The following RLBP1 variants were observed in gnomAD, a reference collection of about 807,000 sequenced individuals.
RLBP1 encodes the protein retinaldehyde-binding protein 1.
Under a neutral mutation model 36.2 loss-of-function variants are expected in RLBP1, and 26 were observed. That is an observed-to-expected ratio of 0.72 (90% CI 0.53 to 1.00). The LOEUF is 1.00. Ranked by LOEUF, RLBP1 falls within the 50% of genes least tolerant of loss-of-function variation. RLBP1 has a pLI of 0.00. For missense variants in RLBP1, 410 were observed against 402.4 expected (o/e 1.02, Z -0.16); for synonymous variants, 155 against 156.2 (o/e 0.99, Z 0.06).
chr15:89,211,654 A>T lies in RLBP1; in HGVS notation c.684+89T>A. 7.1e-7 allele frequency: 1 copy of T among 1,410,932 alleles called. No homozygotes were observed. The highest frequency in any genetic ancestry group is 9.9e-7 in the Non-Finnish European group (1 of 1,009,684). 87.4% of individuals were successfully genotyped at this position (1,410,932 alleles called of 1,614,324 possible). A position where few individuals can be genotyped will look rare whatever the true frequency, so the allele number is the denominator to read the frequency against. On this transcript the variant is annotated intron_variant, in intron 7 of 8. Coordinates refer to ENST00000268125, the MANE Select transcript of RLBP1 (RefSeq NM_000326.5). This position sits in a 1 kb window ranked among gnomAD's most constrained non-coding sequence, Gnocchi z 5.8. Reference sequence around the variant, plus strand: ...ATGGCGCGAGGTGGTCCAACTTCTCAGTTCCCTGCAAGCACCATGAAAGGA... The same window carrying T: ...ATGGCGCGAGGTGGTCCAACTTCTCTGTTCCCTGCAAGCACCATGAAAGGA...
chr15:89,212,585 CAAAA>C (rs112344412), intron 6 of RLBP1, among the ~76,000 whole-genome samples: 8 of 111,432 alleles, frequency 7.2e-5, no homozygotes, highest in Non-Finnish European at 1.1e-4. Flanking sequence ...AACTGTGTCT[CAAAA>C]AAAAAAAAAA....
chr15:89,213,588 T>A (rs1014811434), intron 6 of RLBP1, among the ~76,000 whole-genome samples: 1 of 151,948 alleles, frequency 6.6e-6, no homozygotes, highest in African/African-American at 2.4e-5. Flanking sequence ...GAGGAAAAAA[T>A]TTTTAAAACC....
chr15:89,214,828 G>A lies in RLBP1; in HGVS notation c.525+232C>T, dbSNP rs2051565910. ...GGCAGGGATACCCAGGAAGAGCCAT[G>A]TATTATTGACCATCAAGCTCCACCT... On this transcript the variant is annotated intron_variant, in intron 6 of 8. Transcript: ENST00000268125. This position sits in a 1 kb window ranked among gnomAD's most constrained non-coding sequence, Gnocchi z 4.6. Among the ~76,000 whole-genome samples, 1 of 152,220 alleles carries A rather than the reference G, an allele frequency of 6.6e-6. No individual in the cohort carries two copies. Among genetic ancestry groups the A allele is most frequent in the African/African-American group, 2.4e-5 (1 of 41,460 alleles).
chr15:89,220,443 T>C (rs907301569), intron 1 of RLBP1, among the ~76,000 whole-genome samples: 1 of 152,172 alleles, frequency 6.6e-6, no homozygotes. Context: ...CCCTTCTCTT[T>C]CTTAGCTCCA....
intron 4 of RLBP1, among the ~76,000 whole-genome samples, chr15:89,217,853 C>G (rs997807779): frequency 3.3e-5 from 5 of 152,206 alleles, no homozygotes; most frequent in African/African-American, 1.2e-4. Context: ...GCCTCCTGCC[C>G]AGAGCCTCAC....
At chr15:89,221,319 A>G (rs2051625165) in intron 1 of RLBP1, among the ~76,000 whole-genome samples, 1 of 152,192 alleles carries the variant, frequency 6.6e-6, no homozygotes, top group Non-Finnish European at 1.5e-5. Context: ...TTTTAATACT[A>G]AAAAAGTATT....
intron 1 of RLBP1, among the ~76,000 whole-genome samples, chr15:89,220,420 T>C (rs1257845338): frequency 6.6e-6 from 1 of 152,236 alleles, no homozygotes; most frequent in Admixed American, 6.5e-5. Context: ...TGTCCTGTTC[T>C]AAAGCATAGT....
At position 89,217,183 on chromosome 15, in the gene RLBP1, A is replaced by C. The variant is rs768158302; in HGVS notation, c.283T>G (p.Phe95Val). 6.2e-7 allele frequency: 1 copy of C among 1,614,036 alleles called. No homozygotes were observed. Among genetic ancestry groups the C allele is most frequent in the South Asian group, 1.1e-5 (1 of 91,090 alleles). ...CGTGCGCGGATGAAGCGCAGGAAGA[A>C]GCCGCTGTCCTTCTCTTGCACCCTC... ...AERVQEKDSG[F>V]FLRFIRARKF... is the part of the protein sequence containing the mutation. Residue 95 changes from phenylalanine (F) to valine (V), a missense_variant, in exon 5 of 9, where the codon TTC becomes GTC. By Grantham distance (50) the Phe-to-Val change is conservative. Transcript: ENST00000268125.
At chr15:89,213,897 G>A (rs1418864743) in intron 6 of RLBP1, among the ~76,000 whole-genome samples, 1 of 152,120 alleles carries the variant, frequency 6.6e-6, no homozygotes, top group Non-Finnish European at 1.5e-5. Context: ...AAATAAACAT[G>A]CAAAAGTAGC....
In RLBP1 at chr15:89,217,286, C is replaced by T; in HGVS notation, c.180G>A (p.Glu60=). ...TCTCCTGCAGCTCTCGCACTGCCTC[C>T]TCCCGGGTCTCCTCTCTCTCGTTCA... The part of the protein sequence containing the change: ...DELNEREETR[E]EAVRELQEMV... Residue 60 remains glutamate (E), a synonymous_variant, in exon 5 of 9, where the codon GAG becomes GAA. Transcript: ENST00000268125. 1.9e-6 allele frequency: 3 copies of T among 1,608,476 alleles called. No homozygotes were observed. The highest frequency in any genetic ancestry group is 2.2e-5 in the East Asian group (1 of 44,884).
chr15:89,219,152 C>T lies in RLBP1; in HGVS notation c.-100-77G>A. The T allele has an allele frequency of 4.0e-6, 3 of 746,922 alleles. No homozygotes were observed. The Admixed American group carries it at 6.4e-5, about 16-fold the overall frequency. 46.3% of individuals were successfully genotyped at this position (746,922 alleles called of 1,614,324 possible). On this transcript the variant is annotated intron_variant, in intron 2 of 8. Transcript: ENST00000268125. ...AAACTTTCAATTGCATCAGAATCAC[C>T]CGAGGCATTTGTTAGAAACGCAGGT...
chr15:89,210,535 A>G lies in RLBP1; in HGVS notation c.796-92T>C, dbSNP rs1379099595. The G allele has an allele frequency of 6.2e-6, 9 of 1,453,836 alleles. No individual in the cohort carries two copies. The highest frequency in any genetic ancestry group is 3.5e-5 in the Admixed American group (2 of 57,130). 90.1% of individuals were successfully genotyped at this position (1,453,836 alleles called of 1,614,324 possible). A position where few individuals can be genotyped will look rare whatever the true frequency, so the allele number is the denominator to read the frequency against. On this transcript the variant is annotated intron_variant, in intron 8 of 8. Transcript: ENST00000268125. The surrounding 1 kb of genome is among the most constrained non-coding windows in gnomAD (Gnocchi z 4.7). ...GAAAGGGGCAGGAGGACAAAGCCCC[A>G]TCATGTGCAGTCTTTGCCTGGCGAC...
In RLBP1 at chr15:89,214,258, T is replaced by C. The variant is rs1198635175; in HGVS notation, c.525+802A>G. 2.0e-5 allele frequency among the ~76,000 whole-genome samples: 3 copies of C among 151,994 alleles called. No homozygotes were observed. Among genetic ancestry groups the C allele is most frequent in the Non-Finnish European group, 4.4e-5 (3 of 68,000 alleles). ...GGCGGATCACTTGAGCTCAGGAGTT[T>C]GAGACCAGCCTGGCCAACATGGTGA... On this transcript the variant is annotated intron_variant, in intron 6 of 8. Transcript: ENST00000268125. This position sits in a 1 kb window ranked among gnomAD's most constrained non-coding sequence, Gnocchi z 4.6.
chr15:89,215,025 C>G (rs2051567330), intron 6 of RLBP1, 35 bp downstream of exon 6: 1 of 1,611,114 alleles, frequency 6.2e-7, no homozygotes, highest in East Asian at 2.2e-5. Context: ...GGGAACCCAG[C>G]CCACAGGGTG....
chr15:89,221,223 G>T (rs2051624175), intron 1 of RLBP1, among the ~76,000 whole-genome samples: 1 of 152,098 alleles, frequency 6.6e-6, no homozygotes, highest in African/African-American at 2.4e-5. Flanking sequence ...TGGCCAGGCT[G>T]GTCTCGAACT....
rs573585510 is a variant in RLBP1 at position 89,213,961 on chromosome 15, T to A, written c.525+1099A>T. ...TAAGGACAAAACTAGCCCTAACAGA[T>A]TAAACATGCCACAAAATCTCTATCA... On this transcript the variant is annotated intron_variant, in intron 6 of 8. Transcript: ENST00000268125. Among the ~76,000 whole-genome samples the A allele has an allele frequency of 9.2e-5, 14 of 152,224 alleles. No individual in the cohort carries two copies. The South Asian group carries it at 1.9e-3, about 20-fold the overall frequency.
rs8025081 is a variant in RLBP1, at chr15:89,219,416, G to T, written c.-101+321C>A. On this transcript the variant is annotated intron_variant, in intron 2 of 8. Transcript: ENST00000268125. ...GTTCTCAATGACATGATCACTGCAG[G>T]ATAAGGCAATCTCTCCTCCCTCCTG... The T allele has an allele frequency of 5.0e-3, 1,087 of 217,230 alleles. 12 individuals carry two copies. Among genetic ancestry groups the T allele is most frequent in the African/African-American group, 0.023 (1,024 of 44,234 alleles). 13.5% of individuals were successfully genotyped at this position (217,230 alleles called of 1,614,324 possible).
chr15:89,210,765 C>A lies in RLBP1; in HGVS notation c.729G>T (p.Gln243His). 1 of 1,601,356 alleles carries A rather than the reference C, an allele frequency of 6.2e-7. No homozygotes were observed. Among genetic ancestry groups the A allele is most frequent in the Non-Finnish European group, 8.5e-7 (1 of 1,172,916 alleles). ...TGTAGGTCGTGGTGAAGTACCATGG[C>A]TGGTGGATGAAGTGGATGGCTTTGA... ...ARFKAIHFIH[Q>H]PWYFTTTYNV... Residue 243 changes from glutamine to histidine, a missense_variant, in exon 8 of 9, where the codon CAG (glutamine) becomes CAT (histidine). Transcript: ENST00000268125. The surrounding 1 kb of genome is among the most constrained non-coding windows in gnomAD (Gnocchi z 4.7).
chr15:89,210,586 G>T lies in RLBP1; in HGVS notation c.795+113C>A. The T allele has an allele frequency of 1.6e-6, 2 of 1,215,888 alleles. No homozygotes were observed. The highest frequency in any genetic ancestry group is 2.4e-6 in the Non-Finnish European group (2 of 837,230). The allele number at this position is 1,215,888 out of a possible 1,614,324, so 75.3% of individuals were successfully genotyped here. A position where few individuals can be genotyped will look rare whatever the true frequency, so the allele number is the denominator to read the frequency against. ...ACCTCTCTCCGCAGGTCTCCATGTT[G>T]GGTGTCAGTGGGATCCACATAGCTC... On this transcript the variant is annotated intron_variant, in intron 8 of 8. Coordinates refer to ENST00000268125, the MANE Select transcript of RLBP1 (RefSeq NM_000326.5). This position sits in a 1 kb window ranked among gnomAD's most constrained non-coding sequence, Gnocchi z 4.7.
Sources: gnomAD v4.1 joint callset for allele counts (sites outside exome capture counted in the v4.1 genomes callset) on GRCh38, gnomAD v4.1.1 for gene constraint, Gnocchi (gnomAD v3.1) non-coding constraint, MANE v1.5 for transcripts, NCBI Gene and HGNC (gene_info 2026-07-23, HGNC 2026-07-21) for gene names.